Variants in SPOCK1 observed in about 807,000 individuals in gnomAD.
The protein encoded by SPOCK1 is SPARC (osteonectin), cwcv and kazal like domains proteoglycan 1.
A neutral mutation model predicts 55.3 loss-of-function variants in SPOCK1; 23 were observed. The ratio of observed to expected loss-of-function variants is 0.42; its 90% CI spans 0.30 to 0.59. The LOEUF (loss-of-function observed/expected upper bound fraction) is 0.59. SPOCK1 is among the 20% of genes least tolerant of loss of function. SPOCK1 has a pLI of 0.22. For synonymous variants in SPOCK1, 226 were observed against 221.0 expected, an observed-to-expected ratio of 1.02 and a Z score of -0.20; for missense variants, 499 against 552.5, an observed-to-expected ratio of 0.90 and a Z score of 0.97.
chr5:137,423,871 C>T (rs1190218841), intron 2 of SPOCK1, among the ~76,000 whole-genome samples: 4 of 152,226 alleles, frequency 2.6e-5, no homozygotes, highest in East Asian at 3.8e-4. Flanking sequence ...TCTTCTGCGT[C>T]GCTCACACTG....
At chr5:137,276,992 A>G (rs1438121353) in intron 2 of SPOCK1, among the ~76,000 whole-genome samples, 1 of 152,214 alleles carries the variant, frequency 6.6e-6, no homozygotes, top group African/African-American at 2.4e-5. Context: ...TAATATTAAT[A>G]GTAATCATCG....
intron 4 of SPOCK1, among the ~76,000 whole-genome samples, chr5:137,133,758 A>G (rs780021917): frequency 9.9e-5 from 15 of 152,210 alleles, no homozygotes; most frequent in Non-Finnish European, 1.5e-4. Flanking sequence ...TTTAAGTGAC[A>G]TGTGGTTTGA....
chr5:137,028,155 C>T (rs1245873064), intron 6 of SPOCK1, among the ~76,000 whole-genome samples: 20 of 152,200 alleles, frequency 1.3e-4, no homozygotes. Flanking sequence ...GGTGAATCTC[C>T]TCTGTGGGAG....
intron 4 of SPOCK1, among the ~76,000 whole-genome samples, chr5:137,124,797 G>A (rs1292878242): frequency 1.3e-5 from 2 of 152,214 alleles, no homozygotes; most frequent in Admixed American, 6.5e-5. Flanking sequence ...CTGCAGAGGA[G>A]AGCTGACTTT....
intron 6 of SPOCK1, among the ~76,000 whole-genome samples, chr5:137,006,162 T>C (rs1231328812): frequency 6.6e-6 from 1 of 152,228 alleles, no homozygotes; most frequent in African/African-American, 2.4e-5. Flanking sequence ...TCGTTCTTTT[T>C]GCTTAGGATT....
At chr5:137,362,241 G>C (rs1268950646) in intron 2 of SPOCK1, among the ~76,000 whole-genome samples, 1 of 152,148 alleles carries the variant, frequency 6.6e-6, no homozygotes, top group Admixed American at 6.5e-5. Context: ...GGGTTAGAAG[G>C]GGGGTGGTGA....
intron 2 of SPOCK1, among the ~76,000 whole-genome samples, chr5:137,476,792 G>A (rs891527540): frequency 6.6e-6 from 1 of 152,166 alleles, no homozygotes; most frequent in Non-Finnish European, 1.5e-5. Context: ...AGGCATGGAG[G>A]CAGGTGTCTG....
At chr5:137,315,365 G>A (rs747951192) in intron 2 of SPOCK1, among the ~76,000 whole-genome samples, 5 of 152,202 alleles carry the variant, frequency 3.3e-5, no homozygotes, top group Non-Finnish European at 5.9e-5. Context: ...TCTGAACCAC[G>A]TATGGCGATG....
chr5:137,124,753 T>C (rs1237955663), intron 4 of SPOCK1, among the ~76,000 whole-genome samples: 1 of 152,134 alleles, frequency 6.6e-6, no homozygotes, highest in Non-Finnish European at 1.5e-5. Flanking sequence ...CTGGGATGGA[T>C]GACATCCTCT....
intron 2 of SPOCK1, among the ~76,000 whole-genome samples, chr5:137,359,491 T>C (rs1226313004): frequency 3.3e-5 from 5 of 152,234 alleles, no homozygotes; most frequent in African/African-American, 1.2e-4. Flanking sequence ...TTCCATTTAT[T>C]GAGTATCTAC....
At chr5:137,450,744 T>C (rs1753238327) in intron 2 of SPOCK1, among the ~76,000 whole-genome samples, 1 of 152,078 alleles carries the variant, frequency 6.6e-6, no homozygotes, top group Non-Finnish European at 1.5e-5. Context: ...ATCTCTCCTA[T>C]TACCTGGGCT....
intron 3 of SPOCK1, among the ~76,000 whole-genome samples, chr5:137,191,419 T>C (rs973388568): frequency 6.6e-6 from 1 of 151,538 alleles, no homozygotes; most frequent in Non-Finnish European, 1.5e-5. Flanking sequence ...ATGATGGAAA[T>C]TCTGTATCAG....
In SPOCK1 at chr5:137,267,032, A is replaced by G. The variant is rs762958350; in HGVS notation, c.210T>C (p.Asn70=). ...TACCTTGGTCAAAGGGCTTGTTGGG[A>G]TTCCAGTTTCTGAAATAATCATCCT... ...FRDDDYFRNW[N]PNKPFDQALD... The change falls in exon 3 of 11, where the codon AAT becomes AAC. Residue 70 remains asparagine (N), a synonymous_variant. Transcript: ENST00000394945. The G allele has an allele frequency of 9.9e-6, 16 of 1,613,112 alleles. No homozygotes were observed. Among genetic ancestry groups the G allele is most frequent in the Non-Finnish European group, 1.3e-5 (15 of 1,179,134 alleles).
intron 2 of SPOCK1, among the ~76,000 whole-genome samples, chr5:137,447,870 A>C (rs966798026): frequency 6.6e-6 from 1 of 152,242 alleles, no homozygotes. Flanking sequence ...GGCTATATTC[A>C]AAAGCCCAGG....
chr5:137,355,570 G>T (rs1252731584), intron 2 of SPOCK1, among the ~76,000 whole-genome samples: 1 of 152,204 alleles, frequency 6.6e-6, no homozygotes, highest in Middle Eastern at 3.2e-3. Context: ...AGGAGTTGAA[G>T]TAATCCAGGA....
At chr5:136,993,867 T>C (rs542248982) in intron 6 of SPOCK1, among the ~76,000 whole-genome samples, 4 of 152,276 alleles carry the variant, frequency 2.6e-5, no homozygotes, top group African/African-American at 7.2e-5. Flanking sequence ...CAGGACCTGA[T>C]TGAATTAAGG....
chr5:137,002,809 T>C (rs1169457374), intron 6 of SPOCK1, among the ~76,000 whole-genome samples: 1 of 152,170 alleles, frequency 6.6e-6, no homozygotes, highest in East Asian at 1.9e-4. Flanking sequence ...GACAGAGTCC[T>C]GGGAAAGGGG....
At chr5:137,078,052 G>C (rs1175577270) in intron 5 of SPOCK1, among the ~76,000 whole-genome samples, 1 of 152,158 alleles carries the variant, frequency 6.6e-6, no homozygotes, top group Admixed American at 6.5e-5. Context: ...GCAGAGGAGA[G>C]GAGGGAAGAA....
intron 2 of SPOCK1, among the ~76,000 whole-genome samples, chr5:137,282,541 A>G (rs1487911994): frequency 6.6e-6 from 1 of 152,228 alleles, no homozygotes; most frequent in Non-Finnish European, 1.5e-5. Flanking sequence ...GTGGGAACAG[A>G]CCCAGCAGGA....
Sources: gnomAD v4.1 joint callset for allele counts (sites outside exome capture counted in the v4.1 genomes callset) on GRCh38, gnomAD v4.1.1 for gene constraint, MANE v1.5 for transcripts, NCBI Gene and HGNC (gene_info 2026-07-23, HGNC 2026-07-21) for gene names.